The following PDE10A variants were observed in gnomAD, a reference collection of about 807,000 sequenced individuals.
The protein encoded by PDE10A is cAMP and cAMP-inhibited cGMP 3',5'-cyclic phosphodiesterase 10A.
A neutral mutation model predicts 97.7 loss-of-function variants in PDE10A; 39 were observed. The ratio of observed to expected loss-of-function variants is 0.40; its 90% confidence interval spans 0.31 to 0.52. The LOEUF (loss-of-function observed/expected upper bound fraction) is 0.52. Among genes scored for constraint, PDE10A ranks in the 20% least tolerant of loss-of-function variants. The pLI is 0.56. For synonymous variants in PDE10A, 371 were observed against 376.8 expected (o/e 0.98, Z 0.18); for missense variants, 731 against 1,047.8 (o/e 0.70, Z 4.17).
chr6:165,630,274 G>T (rs1334004153), intron 1 of PDE10A, among the ~76,000 whole-genome samples: 5 of 152,106 alleles, frequency 3.3e-5, no homozygotes, highest in Admixed American at 6.5e-5. Context: ...CTTGAGCCAG[G>T]GAAGCGGAGA....
Position 165,520,047 on chromosome 6 carries a change from T to C in PDE10A, c.994+23393A>G, listed in dbSNP as rs79300883. Among the ~76,000 whole-genome samples, 59 of 152,258 alleles carry C rather than the reference T, an allele frequency of 3.9e-4. No individual in the cohort carries two copies. The East Asian group carries it at 9.3e-3, about 24-fold the overall frequency. On this transcript the variant is annotated intron_variant, in intron 2 of 21. Coordinates refer to ENST00000539869, the MANE Select transcript of PDE10A (RefSeq NM_001385079.1). Reference sequence around the variant, plus strand: ...TTCTCTTGAATCCAGACCTAAAACATAGGAGCACCAAGCTGCCTTTTCAAG... The same window carrying C: ...TTCTCTTGAATCCAGACCTAAAACACAGGAGCACCAAGCTGCCTTTTCAAG...
At chr6:165,958,527 AAG>A (rs1784222142) in intron 1 of PDE10A, among the ~76,000 whole-genome samples, 1 of 20,838 alleles carries the variant, frequency 4.8e-5, no homozygotes, top group Admixed American at 6.4e-4. Flanking sequence ...GAAAGAAAGA[AAG>A]AAAGAAAGAA....
chr6:165,535,767 G>A, intron 2 of PDE10A, among the ~76,000 whole-genome samples: 1 of 151,452 alleles, frequency 6.6e-6, no homozygotes, highest in East Asian at 1.9e-4. Flanking sequence ...ATAAACTTAA[G>A]CAAAGAAGTG....
At chr6:165,941,458 A>G (rs938353022) in intron 1 of PDE10A, among the ~76,000 whole-genome samples, 1 of 152,152 alleles carries the variant, frequency 6.6e-6, no homozygotes, top group Admixed American at 6.5e-5. Flanking sequence ...CACAGAGCCC[A>G]CCTGACATCA....
intron 1 of PDE10A, among the ~76,000 whole-genome samples, chr6:165,563,407 A>G (rs933619934): frequency 3.9e-5 from 6 of 152,210 alleles, no homozygotes; most frequent in African/African-American, 1.2e-4. Context: ...ATTGATGTTT[A>G]GCACTGACAA....
chr6:165,483,460 A>G (rs548494558), intron 2 of PDE10A, among the ~76,000 whole-genome samples: 3 of 152,292 alleles, frequency 2.0e-5, no homozygotes, highest in Admixed American at 2.0e-4. Flanking sequence ...CATAGGGAAA[A>G]TATCTTATCT....
rs187310919 is a variant in PDE10A, at chr6:165,646,299, C to G, written c.865+15648G>C. On this transcript the variant is annotated intron_variant, in intron 1 of 21. Coordinates refer to ENST00000539869, the MANE Select transcript of PDE10A (RefSeq NM_001385079.1). Reference sequence around the variant, plus strand: ...TTTTATGTTGAAAACCTAGGTGGAGCCTATCATACTTGAAATCAAAACTGA... The same window carrying G: ...TTTTATGTTGAAAACCTAGGTGGAGGCTATCATACTTGAAATCAAAACTGA... Among the ~76,000 whole-genome samples, 12 of 152,252 alleles carry G rather than the reference C, an allele frequency of 7.9e-5. No homozygotes were observed. In the East Asian group the frequency reaches 2.3e-3, roughly 29 times the overall value.
chr6:165,685,112 A>G (rs1383938042), intron 1 of PDE10A, among the ~76,000 whole-genome samples: 1 of 152,216 alleles, frequency 6.6e-6, no homozygotes, highest in African/African-American at 2.4e-5. Context: ...GAATCCTTAG[A>G]TACCTTTAAG....
At chr6:165,576,197 T>C (rs1785295603) in intron 1 of PDE10A, among the ~76,000 whole-genome samples, 2 of 152,202 alleles carry the variant, frequency 1.3e-5, no homozygotes, top group African/African-American at 4.8e-5. Flanking sequence ...CTGTAAACTT[T>C]TCGGTGCAAT....
Position 165,388,295 on chromosome 6 carries a change from C to T in PDE10A, c.2610+3G>A. 1.9e-6 allele frequency: 3 copies of T among 1,613,828 alleles called. No homozygotes were observed. On this transcript the variant is annotated splice_donor_region_variant and intron_variant, in intron 17 of 21. Transcript: ENST00000539869. The surrounding 1 kb of genome is among the most constrained non-coding windows in gnomAD (Gnocchi z 4.0). ...AAGCGAGAGACGGCGTGCAGTGACT[C>T]ACCTGGAGGATGGACACAGTCTGGG...
At chr6:165,968,338 T>G (rs1426865355) in intron 1 of PDE10A, among the ~76,000 whole-genome samples, 1 of 152,180 alleles carries the variant, frequency 6.6e-6, no homozygotes, top group African/African-American at 2.4e-5. Context: ...CGGACTGTGG[T>G]GGATGGTGTC....
At chr6:165,652,050 A>G (rs1789711918) in intron 1 of PDE10A, among the ~76,000 whole-genome samples, 1 of 152,214 alleles carries the variant, frequency 6.6e-6, no homozygotes, top group Non-Finnish European at 1.5e-5. Flanking sequence ...CTGAGGTTTT[A>G]TAAGTAGATC....
At chr6:165,707,749 G>A (rs919641641) in intron 1 of PDE10A, among the ~76,000 whole-genome samples, 1 of 152,034 alleles carries the variant, frequency 6.6e-6, no homozygotes, top group Non-Finnish European at 1.5e-5. Context: ...GTGTGTGGGA[G>A]ACTGAGTGTG....
intron 1 of PDE10A, among the ~76,000 whole-genome samples, chr6:165,900,880 A>G (rs74974278): frequency 0.052 from 7,888 of 152,316 alleles, 286 homozygotes; most frequent in Middle Eastern, 0.13. Flanking sequence ...CCCTGAACTA[A>G]CCAGACTAAT....
intron 18 of PDE10A, among the ~76,000 whole-genome samples, chr6:165,372,959 A>G (rs1444917935): frequency 2.7e-5 from 4 of 149,176 alleles, no homozygotes; most frequent in Non-Finnish European, 5.9e-5. Context: ...GACAAACCTG[A>G]CAAAAACAAG....
chr6:165,857,698 C>CGTGTGTGTGTGTGTGTGT (rs775208021), intron 1 of PDE10A, among the ~76,000 whole-genome samples: 2 of 123,448 alleles, frequency 1.6e-5, no homozygotes, highest in East Asian at 6.7e-4. Context: ...TCAACAGTTC[C>CGTGTGTGTGTGTGTGTGT]GTGTGTGTGT....
rs140633282 is a variant in PDE10A at position 165,655,379 on chromosome 6, C to A, written c.865+6568G>T. Among the ~76,000 whole-genome samples, 1 of 152,260 alleles carries A rather than the reference C, an allele frequency of 6.6e-6. No individual in the cohort carries two copies. Among genetic ancestry groups the A allele is most frequent in the Admixed American group, 6.5e-5 (1 of 15,306 alleles). On this transcript the variant is annotated intron_variant, in intron 1 of 21. Transcript: ENST00000539869. This position sits in a 1 kb window ranked among gnomAD's most constrained non-coding sequence, Gnocchi z 4.5. ...CACGCCTGATTCCTTGCGCACCCCA[C>A]GTGCTCCTCCTCCAGGCTTCCCATC...
At chr6:165,609,612 C>T (rs1095895) in intron 1 of PDE10A, among the ~76,000 whole-genome samples, 47,517 of 152,030 alleles carry the variant, frequency 0.31, 8,414 homozygotes, top group African/African-American at 0.49. Context: ...GAAAACCCCA[C>T]TGTCTCAGCC....
chr6:165,618,445 C>T (rs570502880), intron 1 of PDE10A, among the ~76,000 whole-genome samples: 1 of 152,100 alleles, frequency 6.6e-6, no homozygotes, highest in Non-Finnish European at 1.5e-5. Flanking sequence ...GCCACGTGTC[C>T]ACCATCTCCA....
Sources: allele counts gnomAD v4.1 joint callset (sites outside exome capture counted in the v4.1 genomes callset), GRCh38; gene constraint gnomAD v4.1.1; non-coding constraint Gnocchi (gnomAD v3.1); transcripts MANE v1.5; gene names NCBI Gene and HGNC (gene_info 2026-07-23, HGNC 2026-07-21).